Variants in NOX3 observed in about 807,000 individuals in gnomAD.
NOX3 encodes NADPH oxidase catalytic subunit-like 3.
A neutral mutation model predicts 76.7 loss-of-function variants in NOX3; 74 were observed. The ratio of observed to expected loss-of-function variants is 0.96; its 90% confidence interval spans 0.80 to 1.17. The LOEUF is 1.17. Among genes scored for constraint, NOX3 ranks in the 50% most tolerant of loss-of-function variants. NOX3 has a pLI of 0.00. For synonymous variants in NOX3, 263 were observed against 261.1 expected (o/e 1.01, Z -0.07); for missense variants, 695 against 703.3 (o/e 0.99, Z 0.13).
chr6:155,396,930 T>G lies in NOX3; in HGVS notation c.1613A>C (p.Lys538Thr). 6.2e-7 allele frequency: 1 copy of G among 1,613,178 alleles called. No homozygotes were observed. The highest frequency in any genetic ancestry group is 8.5e-7 in the Non-Finnish European group (1 of 1,179,364). The change falls in exon 13 of 14, where the codon AAA becomes ACA. Residue 538 changes from lysine to threonine, a missense_variant. By Grantham distance (78) the Lys-to-Thr change is moderately conservative. Transcript: ENST00000159060. ...SSIGVFFCGP[K>T]ALSRTLQKMC... Reference sequence around the variant, plus strand: ...CTTTTGAAGTGTCCTCGAGAGAGCTTTAGGTCCACAGAAGAACACGCCAAT... The same window carrying G: ...CTTTTGAAGTGTCCTCGAGAGAGCTGTAGGTCCACAGAAGAACACGCCAAT...
At chr6:155,402,302 TTATC>T (rs1366421126) in intron 12 of NOX3, among the ~76,000 whole-genome samples, 1 of 152,222 alleles carries the variant, frequency 6.6e-6, no homozygotes, top group African/African-American at 2.4e-5. Context: ...TTTCTGTGCT[TTATC>T]TAACTGAAAT....
chr6:155,425,430 C>T (rs1298599001), intron 9 of NOX3, among the ~76,000 whole-genome samples: 1 of 152,142 alleles, frequency 6.6e-6, no homozygotes, highest in Non-Finnish European at 1.5e-5. Context: ...GCATCCCTGT[C>T]CTGTGAGTCC....
chr6:155,427,885 T>A (rs1439747055), intron 9 of NOX3, among the ~76,000 whole-genome samples: 1 of 152,150 alleles, frequency 6.6e-6, no homozygotes, highest in Non-Finnish European at 1.5e-5. Context: ...TTTTTCTTTT[T>A]CTTTCCTCCT....
chr6:155,414,912 G>T (rs1460237976), intron 10 of NOX3, among the ~76,000 whole-genome samples: 1 of 152,132 alleles, frequency 6.6e-6, no homozygotes, highest in Non-Finnish European at 1.5e-5. Flanking sequence ...ACCAGCATGA[G>T]CCATCGTGCC....
intron 4 of NOX3, among the ~76,000 whole-genome samples, chr6:155,445,291 G>A (rs147851439): frequency 1.8e-3 from 268 of 152,310 alleles, no homozygotes; most frequent in Admixed American, 2.8e-3. Context: ...AGAAGTAGCA[G>A]GGCCTATGAC....
At chr6:155,421,463 T>C (rs568855000) in intron 10 of NOX3, among the ~76,000 whole-genome samples, 10 of 152,326 alleles carry the variant, frequency 6.6e-5, no homozygotes, top group African/African-American at 2.2e-4. Context: ...CCTGGGATGC[T>C]TCACAGAATA....
chr6:155,416,745 T>TTTTTTTTTTG, intron 10 of NOX3, among the ~76,000 whole-genome samples: 1 of 71,636 alleles, frequency 1.4e-5, no homozygotes, highest in Non-Finnish European at 2.3e-5. Context: ...TGAAACATTC[T>TTTTTTTTTTG]TTTTTTTTTT....
In NOX3 at chr6:155,439,969, T is replaced by A; in HGVS notation, c.655A>T (p.Ile219Phe). Residue 219 changes from isoleucine to phenylalanine, a missense_variant, in exon 6 of 14, where the codon ATC becomes TTC. Physicochemically the swap from Ile to Phe is conservative, Grantham distance 21. Transcript: ENST00000159060. ...VFIVFFLSLA[I>F]HGTGRIVRGQ... Reference sequence around the variant, plus strand: ...GTATGGACTTACCCCGTCCCATGGATGGCCAGGCTGAGAAAGAAGACGATG... The same window carrying A: ...GTATGGACTTACCCCGTCCCATGGAAGGCCAGGCTGAGAAAGAAGACGATG... 6.2e-7 allele frequency: 1 copy of A among 1,613,730 alleles called. No individual in the cohort carries two copies. Among genetic ancestry groups the A allele is most frequent in the Non-Finnish European group, 8.5e-7 (1 of 1,179,892 alleles).
intron 6 of NOX3, among the ~76,000 whole-genome samples, chr6:155,439,193 G>T (rs977407827): frequency 7.2e-5 from 11 of 152,092 alleles, no homozygotes; most frequent in Admixed American, 1.3e-4. Flanking sequence ...TTTGAAAATT[G>T]TAAAATGGAA....
intron 11 of NOX3, among the ~76,000 whole-genome samples, chr6:155,409,420 C>T (rs1474134074): frequency 2.6e-5 from 4 of 152,098 alleles, no homozygotes; most frequent in African/African-American, 4.8e-5. Flanking sequence ...CTGAGAAGTT[C>T]GGGCACCATT....
At chr6:155,442,080 C>A (rs1016724953) in intron 5 of NOX3, among the ~76,000 whole-genome samples, 1 of 152,070 alleles carries the variant, frequency 6.6e-6, no homozygotes, top group Admixed American at 6.5e-5. Context: ...CTGGCTAACA[C>A]AGTGAAACCC....
rs147172598 is a variant in NOX3 at position 155,447,341 on chromosome 6, A to G, written c.341-3923T>C. ...CGTGAGCCACCACGCCTGGCTTTAT[A>G]TTTTATAACGTTCTTCTTCTCTGTA... On this transcript the variant is annotated intron_variant, in intron 4 of 13. Transcript: ENST00000159060. Among the ~76,000 whole-genome samples the G allele has an allele frequency of 3.1e-3, 467 of 152,220 alleles. 2 individuals carry two copies. Among genetic ancestry groups the G allele is most frequent in the Non-Finnish European group, 4.2e-3 (288 of 67,994 alleles).
At chr6:155,443,909 G>A (rs1020192401) in intron 4 of NOX3, among the ~76,000 whole-genome samples, 9 of 151,864 alleles carry the variant, frequency 5.9e-5, no homozygotes, top group Non-Finnish European at 1.2e-4. Context: ...AATTTAAAGT[G>A]TATAGTTATC....
intron 6 of NOX3, among the ~76,000 whole-genome samples, chr6:155,437,845 A>C (rs1356923525): frequency 6.6e-6 from 1 of 152,218 alleles, no homozygotes; most frequent in Non-Finnish European, 1.5e-5. Context: ...ACATTCCAAT[A>C]ATCCTACTTT....
chr6:155,415,319 G>T (rs540536386), intron 10 of NOX3, among the ~76,000 whole-genome samples: 1 of 152,294 alleles, frequency 6.6e-6, no homozygotes, highest in East Asian at 1.9e-4. Flanking sequence ...TGAGAGCTCA[G>T]ACTCTCTAAT....
intron 12 of NOX3, among the ~76,000 whole-genome samples, chr6:155,397,207 G>A (rs1376813200): frequency 1.3e-5 from 2 of 151,992 alleles, no homozygotes; most frequent in Admixed American, 1.3e-4. Context: ...GCTGGAAAGG[G>A]GCCATGAAAC....
intron 10 of NOX3, 48 bp downstream of exon 10, chr6:155,422,646 A>T (rs538462092): frequency 6.3e-7 from 1 of 1,579,880 alleles, no homozygotes; most frequent in South Asian, 1.1e-5. Flanking sequence ...ATATAAGGAC[A>T]TTGAACCTTT....
chr6:155,396,430 G>A (rs957450335), intron 13 of NOX3, among the ~76,000 whole-genome samples: 1 of 152,224 alleles, frequency 6.6e-6, no homozygotes, highest in Non-Finnish European at 1.5e-5. Context: ...TGGATGTAAT[G>A]TAGGGAATGG....
intron 13 of NOX3, among the ~76,000 whole-genome samples, chr6:155,396,216 C>T (rs1779136382): frequency 1.3e-5 from 2 of 152,106 alleles, no homozygotes; most frequent in South Asian, 4.1e-4. Flanking sequence ...TTTCAAGTAT[C>T]TAAAGGATTT....
Sources: allele counts gnomAD v4.1 joint callset (sites outside exome capture counted in the v4.1 genomes callset), GRCh38; gene constraint gnomAD v4.1.1; transcripts MANE v1.5; gene names NCBI Gene and HGNC (gene_info 2026-07-23, HGNC 2026-07-21).